The following EBF1 variants were observed in gnomAD, a reference collection of about 807,000 sequenced individuals.
The protein encoded by EBF1 is transcription factor COE1.
A neutral mutation model predicts 68.4 loss-of-function variants in EBF1; 10 were observed. The observed-to-expected ratio is 0.15, with a 90% CI of 0.09 to 0.25. The LOEUF is 0.25. EBF1 is among the 10% of genes least tolerant of loss of function. The pLI is 1.00. For synonymous variants in EBF1, 298 were observed against 299.8 expected, an observed-to-expected ratio of 0.99 and a Z score of 0.06; for missense variants, 509 against 794.4, an observed-to-expected ratio of 0.64 and a Z score of 4.32.
At chr5:158,760,779 T>C (rs1220873810) in intron 10 of EBF1, among the ~76,000 whole-genome samples, 2 of 152,168 alleles carry the variant, frequency 1.3e-5, no homozygotes, top group African/African-American at 4.8e-5. Flanking sequence ...TTTCTTCTTA[T>C]TATAGATGAG....
chr5:159,076,289 G>A (rs149253609), intron 5 of EBF1, among the ~76,000 whole-genome samples: 8 of 152,194 alleles, frequency 5.3e-5, no homozygotes, highest in Middle Eastern at 3.4e-3. Context: ...GTATTGGGGG[G>A]CAAATACAAT....
At chr5:158,886,558 C>T (rs1028023296) in intron 6 of EBF1, among the ~76,000 whole-genome samples, 6 of 152,176 alleles carry the variant, frequency 3.9e-5, no homozygotes, top group African/African-American at 1.4e-4. Flanking sequence ...TAAAGTAAGT[C>T]ATGTTTCTGT....
intron 6 of EBF1, among the ~76,000 whole-genome samples, chr5:158,948,987 C>A (rs1815429828): frequency 6.6e-6 from 1 of 152,128 alleles, no homozygotes; most frequent in African/African-American, 2.4e-5. Context: ...TATCACCCTG[C>A]AATGGTAAAA....
At chr5:159,013,976 T>C (rs1765162952) in intron 6 of EBF1, among the ~76,000 whole-genome samples, 5 of 152,192 alleles carry the variant, frequency 3.3e-5, no homozygotes, top group Admixed American at 3.3e-4. Context: ...ATTTCCCAAT[T>C]AGCCCACTCC....
chr5:159,007,322 C>CA (rs569735172), intron 6 of EBF1, among the ~76,000 whole-genome samples: 14 of 151,690 alleles, frequency 9.2e-5, no homozygotes, highest in East Asian at 3.9e-4. Context: ...ATAAAGACAC[C>CA]AAAAAAAATA....
At chr5:158,704,792 C>T (rs1018585539) in intron 15 of EBF1, among the ~76,000 whole-genome samples, 6 of 152,120 alleles carry the variant, frequency 3.9e-5, no homozygotes, top group African/African-American at 1.4e-4. Flanking sequence ...AGATTGTGTG[C>T]AGAGGCTAAA....
intron 6 of EBF1, among the ~76,000 whole-genome samples, chr5:158,873,231 C>T (rs1339127473): frequency 1.3e-5 from 2 of 152,120 alleles, no homozygotes; most frequent in Admixed American, 1.3e-4. Flanking sequence ...GGGGATTTTA[C>T]TGTCTAAAGA....
rs547972823 is a variant in EBF1, at chr5:158,768,913, C to G, written c.1036+8500G>C. 7.9e-5 allele frequency among the ~76,000 whole-genome samples: 12 copies of G among 152,198 alleles called. No individual in the cohort carries two copies. In the East Asian group the frequency reaches 1.4e-3, roughly 17 times the overall value. On this transcript the variant is annotated intron_variant, in intron 10 of 15. Transcript: ENST00000313708. ...CCAAATAGTTTATTGGCTTTGAAAA[C>G]CAAATCATGTTATATCATACTAAAA...
At chr5:158,978,195 G>A (rs1306049264) in intron 6 of EBF1, among the ~76,000 whole-genome samples, 2 of 152,224 alleles carry the variant, frequency 1.3e-5, no homozygotes, top group African/African-American at 4.8e-5. Flanking sequence ...GGGAAGTGGC[G>A]AGGGCTGGCT....
At chr5:158,883,387 C>T (rs542389740) in intron 6 of EBF1, among the ~76,000 whole-genome samples, 1 of 147,062 alleles carries the variant, frequency 6.8e-6, no homozygotes, top group African/African-American at 2.5e-5. Context: ...TATATATATA[C>T]ATACATACAT....
chr5:158,724,496 G>T (rs1307957601), intron 11 of EBF1, among the ~76,000 whole-genome samples: 2 of 152,160 alleles, frequency 1.3e-5, no homozygotes, highest in Non-Finnish European at 2.9e-5. Flanking sequence ...GCAACTGCAG[G>T]TTTTGAATTA....
chr5:158,975,850 G>A (rs1262488180), intron 6 of EBF1, among the ~76,000 whole-genome samples: 3 of 152,142 alleles, frequency 2.0e-5, no homozygotes, highest in Non-Finnish European at 2.9e-5. Flanking sequence ...TGTTGGGACC[G>A]AATGACCAGC....
chr5:159,087,144 T>C (rs1780781865), intron 4 of EBF1, among the ~76,000 whole-genome samples: 2 of 151,752 alleles, frequency 1.3e-5, no homozygotes, highest in African/African-American at 4.8e-5. Flanking sequence ...AGCTTTAATA[T>C]TTGTGATGTT....
chr5:158,888,165 GAC>G (rs958181191), intron 6 of EBF1, among the ~76,000 whole-genome samples: 1 of 152,084 alleles, frequency 6.6e-6, no homozygotes, highest in African/African-American at 2.4e-5. Context: ...AACATATATT[GAC>G]AGTTACCACC....
intron 6 of EBF1, among the ~76,000 whole-genome samples, chr5:158,916,207 C>A (rs1217432056): frequency 6.6e-6 from 1 of 152,148 alleles, no homozygotes; most frequent in Non-Finnish European, 1.5e-5. Flanking sequence ...GTCCTTGAAA[C>A]CTTAGTCAGG....
chr5:158,992,947 G>C (rs563432871), intron 6 of EBF1, among the ~76,000 whole-genome samples: 1 of 55,066 alleles, frequency 1.8e-5, no homozygotes, highest in Non-Finnish European at 3.2e-5. Context: ...TTTTTTTTTT[G>C]AGACGGAGTC....
At chr5:158,716,547 T>C (rs1406808560) in intron 11 of EBF1, among the ~76,000 whole-genome samples, 1 of 152,224 alleles carries the variant, frequency 6.6e-6, no homozygotes, top group Non-Finnish European at 1.5e-5. Context: ...AAAAATATCC[T>C]TCACTGTAGT....
At chr5:158,722,764 C>T (rs1272705957) in intron 11 of EBF1, among the ~76,000 whole-genome samples, 1 of 152,098 alleles carries the variant, frequency 6.6e-6, no homozygotes, top group Non-Finnish European at 1.5e-5. Context: ...ACTGTTGGGG[C>T]TTGGTACTTA....
chr5:159,046,730 T>A (rs1166375272), intron 6 of EBF1, among the ~76,000 whole-genome samples: 2 of 152,220 alleles, frequency 1.3e-5, no homozygotes, highest in African/African-American at 4.8e-5. Flanking sequence ...GGGGTAAATC[T>A]GAGAAACCTA....
Sources: allele counts gnomAD v4.1 joint callset (sites outside exome capture counted in the v4.1 genomes callset), GRCh38; gene constraint gnomAD v4.1.1; transcripts MANE v1.5; gene names NCBI Gene and HGNC (gene_info 2026-07-23, HGNC 2026-07-21).